Variants in WDFY3 observed in about 807,000 individuals in gnomAD.
WDFY3 encodes the protein WD repeat and FYVE domain containing 3.
A neutral mutation model predicts 409.6 loss-of-function variants in WDFY3; 66 were observed. The observed-to-expected ratio is 0.16, with a 90% CI of 0.13 to 0.20. The LOEUF (loss-of-function observed/expected upper bound fraction) is 0.20, where lower values mean the gene tolerates loss of function less well. Ranked by LOEUF, WDFY3 falls within the 10% of genes least tolerant of loss-of-function variation. WDFY3 has a pLI of 1.00. For missense variants in WDFY3, 3,031 were observed against 4,298.1 expected, an observed-to-expected ratio of 0.71 and a Z score of 8.24; for synonymous variants, 1,521 against 1,537.1, an observed-to-expected ratio of 0.99 and a Z score of 0.25.
chr4:84,717,076 C>T, intron 48 of WDFY3, 60 bp from the exon 49 acceptor site: 1 of 1,462,586 alleles, frequency 6.8e-7, no homozygotes, highest in Non-Finnish European at 9.1e-7. Context: ...TTCACTGTTC[C>T]ATAAAGGGCG....
At chr4:84,763,567 T>C (rs1294914272) in intron 32 of WDFY3, among the ~76,000 whole-genome samples, 1 of 145,076 alleles carries the variant, frequency 6.9e-6, no homozygotes, top group Non-Finnish European at 1.5e-5. Flanking sequence ...TCTATTTTTA[T>C]AAAGAAAAAT....
chr4:84,958,841 C>T (rs556917901), intron 1 of WDFY3, among the ~76,000 whole-genome samples: 1 of 152,292 alleles, frequency 6.6e-6, no homozygotes, highest in South Asian at 2.1e-4. Flanking sequence ...TTCTCTCAGT[C>T]CTACAATTCT....
intron 26 of WDFY3, among the ~76,000 whole-genome samples, chr4:84,779,003 T>C (rs915283493): frequency 2.6e-5 from 4 of 152,172 alleles, no homozygotes; most frequent in Admixed American, 2.6e-4. Flanking sequence ...AATATAAAAT[T>C]GTATGCACAT....
At chr4:84,718,828 G>A (rs180842210) in intron 47 of WDFY3, among the ~76,000 whole-genome samples, 47 of 152,208 alleles carry the variant, frequency 3.1e-4, no homozygotes, top group Non-Finnish European at 5.1e-4. Flanking sequence ...GCAAACATGC[G>A]CTAGCTTCTA....
intron 62 of WDFY3, 121 bp downstream of exon 62, chr4:84,687,965 C>T: frequency 9.4e-7 from 1 of 1,067,134 alleles, no homozygotes; most frequent in Non-Finnish European, 1.4e-6. Context: ...AACTAATCCT[C>T]CTGCGGTAGC....
chr4:84,672,757 G>A lies in WDFY3; in HGVS notation c.*111C>T, dbSNP rs757862027. On this transcript the variant is annotated 3_prime_UTR_variant, in exon 68 of 68. Transcript: ENST00000295888. ...CTTTGAATTTTAACACTTCAAACAC[G>A]TGGTATGAAGAGATGTGTAAACGGA... 128 of 1,431,642 alleles carry A rather than the reference G, an allele frequency of 8.9e-5. 2 individuals are homozygous for A. The highest frequency in any genetic ancestry group is 8.3e-4 in the South Asian group (61 of 73,174). 88.7% of individuals were successfully genotyped at this position (1,431,642 alleles called of 1,614,324 possible).
intron 29 of WDFY3, among the ~76,000 whole-genome samples, chr4:84,774,436 T>C (rs1745208087): frequency 6.6e-6 from 1 of 152,198 alleles, no homozygotes; most frequent in Non-Finnish European, 1.5e-5. Flanking sequence ...GAATAAAAAA[T>C]AGCGGTGGCA....
rs201298388 is a variant in WDFY3, at chr4:84,684,137, G to C, written c.9544-12C>G. 4.5e-4 allele frequency: 684 copies of C among 1,530,522 alleles called. No homozygotes were observed. Among genetic ancestry groups the C allele is most frequent in the Non-Finnish European group, 5.6e-4 (634 of 1,126,178 alleles). 94.8% of individuals were successfully genotyped at this position (1,530,522 alleles called of 1,614,324 possible). ...GACACAATGTCCCCCTGAGAAGAGA[G>C]AGAAAAACGTCATTCTCTTTGCTCC... On this transcript the variant is annotated splice_polypyrimidine_tract_variant and intron_variant, in intron 62 of 67. Coordinates refer to ENST00000295888, the MANE Select transcript of WDFY3 (RefSeq NM_014991.6).
At chr4:84,868,513 T>C (rs1358181374) in intron 3 of WDFY3, among the ~76,000 whole-genome samples, 1 of 152,206 alleles carries the variant, frequency 6.6e-6, no homozygotes, top group Non-Finnish European at 1.5e-5. Flanking sequence ...GACTATGAGA[T>C]ACTACAAGAT....
intron 15 of WDFY3, among the ~76,000 whole-genome samples, chr4:84,805,480 T>A (rs1177739958): frequency 6.6e-6 from 1 of 152,142 alleles, no homozygotes; most frequent in Non-Finnish European, 1.5e-5. Flanking sequence ...CAAAATTAAT[T>A]CTGATTAAAT....
intron 61 of WDFY3, 26 bp downstream of exon 61, chr4:84,690,480 T>C: frequency 6.2e-7 from 1 of 1,614,058 alleles, no homozygotes; most frequent in Non-Finnish European, 8.5e-7. Context: ...TATGTCCTTC[T>C]TGGCATTTTC....
At chr4:84,691,356 T>G (rs1729235659) in intron 60 of WDFY3, among the ~76,000 whole-genome samples, 1 of 152,144 alleles carries the variant, frequency 6.6e-6, no homozygotes, top group Non-Finnish European at 1.5e-5. Flanking sequence ...TCGGAGGAAT[T>G]CTTTGAGTGA....
In WDFY3 at chr4:84,901,530, C is replaced by T. The variant is rs987408873; in HGVS notation, c.-131-4520G>A. On this transcript the variant is annotated intron_variant, in intron 2 of 67. Transcript: ENST00000295888. ...TCTCCATAAGCATAAGAAATAAATTCCTTTTCTTTTCAAATTACCCAGTTT... is the reference window on the plus strand; with the variant it reads ...TCTCCATAAGCATAAGAAATAAATTTCTTTTCTTTTCAAATTACCCAGTTT... 2.6e-5 allele frequency among the ~76,000 whole-genome samples: 4 copies of T among 152,108 alleles called. No individual in the cohort carries two copies. The East Asian group carries it at 7.7e-4, about 29-fold the overall frequency.
chr4:84,742,686 C>T (rs1217042002), intron 37 of WDFY3, among the ~76,000 whole-genome samples: 12 of 152,128 alleles, frequency 7.9e-5, no homozygotes, highest in Admixed American at 2.6e-4. Context: ...CTATTATGAA[C>T]CGTGCATGCA....
chr4:84,821,412 T>C lies in WDFY3; in HGVS notation c.1263A>G (p.Leu421=), dbSNP rs776212857. Residue 421 remains leucine, a synonymous_variant, in exon 11 of 68, where the codon CTA becomes CTG. Coordinates refer to ENST00000295888, the MANE Select transcript of WDFY3 (RefSeq NM_014991.6). The part of the protein sequence containing the change: ...YMADNANYFI[L]ESQHTLSQFA... Reference sequence around the variant, plus strand: ...ACTGTGACAATGTGTGCTGTGACTCTAGGATGAAGTAATTGGCATTGTCAG... The same window carrying C: ...ACTGTGACAATGTGTGCTGTGACTCCAGGATGAAGTAATTGGCATTGTCAG... The C allele has an allele frequency of 3.2e-5, 51 of 1,613,836 alleles. No homozygotes were observed. The highest frequency in any genetic ancestry group is 2.2e-5 in the East Asian group (1 of 44,878).
At chr4:84,961,161 G>C (rs957727774) in intron 1 of WDFY3, among the ~76,000 whole-genome samples, 1 of 150,442 alleles carries the variant, frequency 6.6e-6, no homozygotes, top group Non-Finnish European at 1.5e-5. Flanking sequence ...GCTGCAGTGA[G>C]CTGAGATCAT....
intron 3 of WDFY3, among the ~76,000 whole-genome samples, chr4:84,875,908 G>A (rs773110441): frequency 5.3e-5 from 8 of 152,092 alleles, no homozygotes; most frequent in Non-Finnish European, 1.0e-4. Flanking sequence ...ACCTCCTGAA[G>A]GACCTGCCTG....
intron 1 of WDFY3, among the ~76,000 whole-genome samples, chr4:84,947,292 C>T (rs1772983665): frequency 1.4e-5 from 2 of 145,876 alleles, no homozygotes; most frequent in African/African-American, 2.5e-5. Flanking sequence ...GCGGGCGGAT[C>T]ACGAGGTCAG....
intron 3 of WDFY3, among the ~76,000 whole-genome samples, chr4:84,876,373 A>C (rs1284807273): frequency 1.3e-5 from 2 of 152,212 alleles, no homozygotes; most frequent in South Asian, 2.1e-4. Flanking sequence ...ATTACTAACT[A>C]TTTAACCTCA....
Sources: allele counts gnomAD v4.1 joint callset (sites outside exome capture counted in the v4.1 genomes callset), GRCh38; gene constraint gnomAD v4.1.1; transcripts MANE v1.5; gene names NCBI Gene and HGNC (gene_info 2026-07-23, HGNC 2026-07-21).